Variants in PDE10A observed in about 807,000 individuals in gnomAD.
PDE10A encodes the protein phosphodiesterase 10A.
Under a neutral mutation model 97.7 loss-of-function variants are expected in PDE10A, and 39 were observed. The ratio of observed to expected loss-of-function variants is 0.40; its 90% confidence interval spans 0.31 to 0.52. PDE10A has a LOEUF of 0.52. Ranked by LOEUF, PDE10A falls within the 20% of genes least tolerant of loss-of-function variation. PDE10A has a pLI of 0.56. For synonymous variants in PDE10A, 371 were observed against 376.8 expected, an observed-to-expected ratio of 0.98 and a Z score of 0.18; for missense variants, 731 against 1,047.8, an observed-to-expected ratio of 0.70 and a Z score of 4.17.
chr6:165,900,554 CTCTCTGTCTCTCTCTT>C (rs777954664), intron 1 of PDE10A, among the ~76,000 whole-genome samples: 3 of 152,146 alleles, frequency 2.0e-5, no homozygotes, highest in Non-Finnish European at 2.9e-5. Flanking sequence ...TCTTTTGTCC[CTCTCTGTCTCTCTCTT>C]TCTCTGTCTC....
chr6:165,543,387 T>C, intron 2 of PDE10A, 53 bp downstream of exon 2: 1 of 1,532,846 alleles, frequency 6.5e-7, no homozygotes, highest in Non-Finnish European at 8.9e-7. Flanking sequence ...GCTTAGTCTT[T>C]TGCCGTAAGA....
intron 1 of PDE10A, among the ~76,000 whole-genome samples, chr6:165,824,838 G>C (rs950164281): frequency 6.6e-6 from 1 of 151,806 alleles, no homozygotes; most frequent in Non-Finnish European, 1.5e-5. Context: ...TATTTGAAAG[G>C]GGTGCATTTG....
intron 1 of PDE10A, among the ~76,000 whole-genome samples, chr6:165,842,066 C>A (rs1387057860): frequency 6.6e-6 from 1 of 152,212 alleles, no homozygotes; most frequent in Non-Finnish European, 1.5e-5. Flanking sequence ...TATAGATGTA[C>A]CTAACCAGGC....
rs187978521 is a variant in PDE10A at position 165,637,995 on chromosome 6, T to A, written c.865+23952A>T. On this transcript the variant is annotated intron_variant, in intron 1 of 21. Coordinates refer to ENST00000539869, the MANE Select transcript of PDE10A (RefSeq NM_001385079.1). ...ATAGGTTTTTATTCCATTTCCCATC[T>A]CCTCCTTTCCTCCAGCCAGCCCTCG... is the stretch of plus-strand genomic sequence containing the variant. Among the ~76,000 whole-genome samples the A allele has an allele frequency of 2.9e-4, 44 of 152,222 alleles. 1 individual carries two copies. In the East Asian group the frequency reaches 8.5e-3, roughly 29 times the overall value.
chr6:165,593,921 C>T (rs888312101), intron 1 of PDE10A, among the ~76,000 whole-genome samples: 3 of 152,198 alleles, frequency 2.0e-5, no homozygotes, highest in African/African-American at 7.2e-5. Context: ...TTAAAACCTG[C>T]ACCATATGAC....
chr6:165,658,017 C>T (rs1790052188), intron 1 of PDE10A, among the ~76,000 whole-genome samples: 1 of 152,158 alleles, frequency 6.6e-6, no homozygotes, highest in Non-Finnish European at 1.5e-5. Context: ...TCAGTAGATA[C>T]TCAACAAGTA....
chr6:165,575,954 T>C (rs139077940), intron 1 of PDE10A, among the ~76,000 whole-genome samples: 590 of 152,232 alleles, frequency 3.9e-3, no homozygotes, highest in African/African-American at 0.013. Flanking sequence ...AATATCATTA[T>C]CTCAGTCTTC....
intron 18 of PDE10A, among the ~76,000 whole-genome samples, chr6:165,351,505 A>G (rs1241699229): frequency 2.0e-5 from 3 of 152,236 alleles, no homozygotes; most frequent in Admixed American, 6.5e-5. Flanking sequence ...GATACAACCT[A>G]TAATTCAAAT....
At chr6:165,960,255 A>T (rs1784315930) in intron 1 of PDE10A, among the ~76,000 whole-genome samples, 1 of 152,238 alleles carries the variant, frequency 6.6e-6, no homozygotes, top group Non-Finnish European at 1.5e-5. Flanking sequence ...GCATACAAAG[A>T]TCAAATTAAT....
intron 1 of PDE10A, among the ~76,000 whole-genome samples, chr6:165,629,567 C>T (rs985217617): frequency 6.7e-6 from 1 of 150,198 alleles, no homozygotes; most frequent in Non-Finnish European, 1.5e-5. Context: ...ACTTTGTCAC[C>T]CAGGCTGGAG....
At chr6:165,769,686 A>G (rs1295353935) in intron 1 of PDE10A, among the ~76,000 whole-genome samples, 2 of 152,204 alleles carry the variant, frequency 1.3e-5, no homozygotes, top group African/African-American at 4.8e-5. Flanking sequence ...AGAAATGGAA[A>G]ACATTAGCAA....
rs1781123182 is a variant in PDE10A, at chr6:165,327,711, T to C, written c.*5314A>G. On this transcript the variant is annotated 3_prime_UTR_variant, in exon 22 of 22. Coordinates refer to ENST00000539869, the MANE Select transcript of PDE10A (RefSeq NM_001385079.1). ...ATTTTACAAAGATTTTTGTCATACA[T>C]ATAAAATCATTTTTTAAAATTTACT... 2 of 152,228 alleles carry C rather than the reference T, an allele frequency of 1.3e-5. No individual in the cohort carries two copies. Among genetic ancestry groups the C allele is most frequent in the African/African-American group, 4.8e-5 (2 of 41,464 alleles). The allele number at this position is 152,228 out of a possible 1,614,324, so 9.4% of individuals were successfully genotyped here. A position where few individuals can be genotyped will look rare whatever the true frequency, so the allele number is the denominator to read the frequency against.
intron 1 of PDE10A, among the ~76,000 whole-genome samples, chr6:165,633,289 CAAT>C (rs780108360): frequency 2.8e-4 from 42 of 152,204 alleles, no homozygotes; most frequent in Non-Finnish European, 5.1e-4. Context: ...ATTCAAGAAT[CAAT>C]AATAAAGGGG....
At chr6:165,577,806 C>T (rs375141167) in intron 1 of PDE10A, among the ~76,000 whole-genome samples, 1 of 152,326 alleles carries the variant, frequency 6.6e-6, no homozygotes, top group Middle Eastern at 3.4e-3. Context: ...AAACGCCATC[C>T]GCCCGCTTCC....
intron 1 of PDE10A, among the ~76,000 whole-genome samples, chr6:165,618,416 T>C (rs1370781186): frequency 6.6e-6 from 1 of 152,086 alleles, no homozygotes; most frequent in African/African-American, 2.4e-5. Flanking sequence ...AAAGAGGCAT[T>C]TGGGAATTTC....
Position 165,771,201 on chromosome 6 carries a change from C to T in PDE10A, c.-615+216328G>A, listed in dbSNP as rs554119626. 4.6e-5 allele frequency among the ~76,000 whole-genome samples: 7 copies of T among 152,186 alleles called. 1 individual carries two copies. The South Asian group carries it at 1.2e-3, about 27-fold the overall frequency. On this transcript the variant is annotated intron_variant, in intron 1 of 19. Transcript: ENST00000366882. ...AGAGATGCAGAGAGCCTACCGTGGG[C>T]GCTATGGAATTATATAGTTTTTTAA...
intron 1 of PDE10A, among the ~76,000 whole-genome samples, chr6:165,876,650 A>T (rs561408571): frequency 6.6e-6 from 1 of 152,288 alleles, no homozygotes; most frequent in East Asian, 1.9e-4. Context: ...ATGGAATATT[A>T]CTTATTGGGG....
chr6:165,378,272 C>G (rs1164391274), intron 18 of PDE10A, among the ~76,000 whole-genome samples: 1 of 152,150 alleles, frequency 6.6e-6, no homozygotes, highest in Non-Finnish European at 1.5e-5. Context: ...CTTAATGAAT[C>G]ACAGAGGAGA....
At chr6:165,483,332 C>T (rs1779713465) in intron 2 of PDE10A, among the ~76,000 whole-genome samples, 1 of 152,150 alleles carries the variant, frequency 6.6e-6, no homozygotes, top group Non-Finnish European at 1.5e-5. Flanking sequence ...TCAACAGTAC[C>T]TAGTTTTTGT....
Sources: gnomAD v4.1 joint callset for allele counts (sites outside exome capture counted in the v4.1 genomes callset) on GRCh38, gnomAD v4.1.1 for gene constraint, MANE v1.5 for transcripts, NCBI Gene and HGNC (gene_info 2026-07-23, HGNC 2026-07-21) for gene names.